The following CFAP58 variants were observed in gnomAD, a reference collection of about 807,000 sequenced individuals.
CFAP58 encodes cilia- and flagella-associated protein 58.
A neutral mutation model predicts 119.5 loss-of-function variants in CFAP58; 88 were observed. The observed-to-expected ratio is 0.74, with a 90% CI of 0.62 to 0.88. The LOEUF is 0.88. CFAP58 is among the 40% of genes least tolerant of loss of function. The pLI, the probability that CFAP58 is intolerant of heterozygous loss-of-function variation, is 0.00. For synonymous variants in CFAP58, 365 were observed against 366.3 expected (o/e 1.00, Z 0.04); for missense variants, 990 against 1,021.2 (o/e 0.97, Z 0.42).
intron 15 of CFAP58, among the ~76,000 whole-genome samples, chr10:104,431,624 T>A (rs1040449767): frequency 3.3e-5 from 5 of 152,200 alleles, no homozygotes; most frequent in Admixed American, 6.5e-5. Flanking sequence ...TCAGATTTTT[T>A]AAAAAATGAA....
chr10:104,358,243 T>A, intron 1 of CFAP58, 98 bp from the exon 2 acceptor site: 2 of 1,267,650 alleles, frequency 1.6e-6, no homozygotes, highest in Non-Finnish European at 1.1e-6. Flanking sequence ...ATTTTGCTCA[T>A]ATGGAGGTGT....
Position 104,368,416 on chromosome 10 carries a change from C to T in CFAP58, c.793-7C>T, listed in dbSNP as rs1191061944. Reference sequence around the variant, plus strand: ...AAGCATTAACCAGCTCATTCCATCCCTTTCAGATATTGAATGAGAGAGCTG... The same window carrying T: ...AAGCATTAACCAGCTCATTCCATCCTTTTCAGATATTGAATGAGAGAGCTG... On this transcript the variant is annotated splice_polypyrimidine_tract_variant and splice_region_variant and intron_variant, in intron 5 of 17. Coordinates refer to ENST00000369704, the MANE Select transcript of CFAP58 (RefSeq NM_001008723.2). The T allele has an allele frequency of 1.2e-6, 2 of 1,613,480 alleles. No homozygotes were observed. The highest frequency in any genetic ancestry group is 1.7e-5 in the Admixed American group (1 of 59,968).
chr10:104,363,565 T>A (rs900969648), intron 3 of CFAP58, among the ~76,000 whole-genome samples: 1 of 152,164 alleles, frequency 6.6e-6, no homozygotes, highest in Non-Finnish European at 1.5e-5. Context: ...GCGAGGGAAC[T>A]GATTCAGATA....
intron 9 of CFAP58, among the ~76,000 whole-genome samples, chr10:104,386,912 CTG>C (rs1189610054): frequency 1.3e-5 from 2 of 152,180 alleles, no homozygotes; most frequent in African/African-American, 4.8e-5. Flanking sequence ...GCATTTTTAG[CTG>C]TGAGTGACTT....
At chr10:104,348,489 T>A in the CFAP58 span, among the ~76,000 whole-genome samples, 4 of 152,202 alleles carry the variant, frequency 2.6e-5, no homozygotes, top group African/African-American at 9.6e-5. Context: ...TATCTCATGA[T>A]CATGTATTTG....
chr10:104,343,542 AT>A, the CFAP58 span, among the ~76,000 whole-genome samples: 13 of 152,220 alleles, frequency 8.5e-5, no homozygotes, highest in Admixed American at 8.5e-4. Flanking sequence ...TTGAAAATAC[AT>A]TTTATTTCAC....
intron 15 of CFAP58, among the ~76,000 whole-genome samples, chr10:104,434,190 A>G (rs1445509749): frequency 2.6e-5 from 4 of 152,252 alleles, no homozygotes; most frequent in Admixed American, 2.6e-4. Flanking sequence ...AGCTTGTAGT[A>G]TGTGCTAAAT....
chr10:104,372,558 G>A (rs2014839003), intron 7 of CFAP58, among the ~76,000 whole-genome samples: 1 of 152,144 alleles, frequency 6.6e-6, no homozygotes, highest in East Asian at 1.9e-4. Flanking sequence ...GTGCATGGAG[G>A]ACCTCCATGG....
In CFAP58 at chr10:104,439,704, TAACAACAAC is replaced by T. The variant is rs60040374; in HGVS notation, c.2257-7974_2257-7966del. Among the ~76,000 whole-genome samples the T allele has an allele frequency of 3.7e-3, 555 of 151,288 alleles. 4 individuals are homozygous for T. The highest frequency in any genetic ancestry group is 0.013 in the African/African-American group (526 of 41,066). ...TGGATAACAGAGTGAGACTCTGTCT[TAACAACAAC>T]AACAACAACAACAACAACATATTTT... On this transcript the variant is annotated intron_variant, in intron 15 of 17. Coordinates refer to ENST00000369704, the MANE Select transcript of CFAP58 (RefSeq NM_001008723.2).
rs115035718 is a variant in CFAP58 at position 104,358,499 on chromosome 10, T to C, written c.168T>C (p.Asn56=). ...CTGTCATGAAAAAGTCTTATGACAA[T>C]GAAAAGCGTCTGATGGCCAAATGCA... The part of the protein sequence containing the change: ...LHAVMKKSYD[N]EKRLMAKCRE... Residue 56 remains asparagine (N), a synonymous_variant, in exon 2 of 18, where the codon AAT becomes AAC. Transcript: ENST00000369704. 1,940 of 1,614,064 alleles carry C rather than the reference T, an allele frequency of 1.2e-3. 30 individuals are homozygous for C. The African/African-American group carries it at 0.022, about 19-fold the overall frequency.
At chr10:104,369,183 T>TC (rs1200454526) in intron 6 of CFAP58, among the ~76,000 whole-genome samples, 2 of 152,146 alleles carry the variant, frequency 1.3e-5, no homozygotes, top group African/African-American at 4.8e-5. Context: ...AAATCCATAT[T>TC]CCCTACTCTG....
At chr10:104,450,269 T>G in intron 17 of CFAP58, 65 bp downstream of exon 17, 1 of 1,555,800 alleles carries the variant, frequency 6.4e-7, no homozygotes, top group East Asian at 2.2e-5. Context: ...AAATATTTGG[T>G]GAACAGTCAC....
At position 104,408,872 on chromosome 10, in the gene CFAP58, G is replaced by C. The variant is rs901983298; in HGVS notation, c.2256+2079G>C. 3.3e-5 allele frequency among the ~76,000 whole-genome samples: 5 copies of C among 152,104 alleles called. No homozygotes were observed. In the South Asian group the frequency reaches 1.0e-3, roughly 32 times the overall value. On this transcript the variant is annotated intron_variant, in intron 15 of 17. Transcript: ENST00000369704. Reference sequence around the variant, plus strand: ...CCAGCGCGTTGGGAGGCCAAGTGGGGGTGGATTGCTTGAGCTCAGGAGTTT... The same window carrying C: ...CCAGCGCGTTGGGAGGCCAAGTGGGCGTGGATTGCTTGAGCTCAGGAGTTT...
At chr10:104,361,708 C>T (rs1054499522) in intron 2 of CFAP58, among the ~76,000 whole-genome samples, 9 of 152,134 alleles carry the variant, frequency 5.9e-5, no homozygotes, top group Non-Finnish European at 1.5e-5. Flanking sequence ...TTTTTTGAGA[C>T]AGGGTCTTGC....
intron 15 of CFAP58, among the ~76,000 whole-genome samples, chr10:104,422,727 C>T (rs2012681465): frequency 6.6e-6 from 1 of 152,212 alleles, no homozygotes; most frequent in Non-Finnish European, 1.5e-5. Context: ...GTCTCCAAGG[C>T]AGCAAGAAAG....
intron 9 of CFAP58, among the ~76,000 whole-genome samples, chr10:104,381,410 G>A (rs1354830385): frequency 2.0e-5 from 3 of 152,180 alleles, no homozygotes; most frequent in Admixed American, 2.0e-4. Flanking sequence ...TAGAGCAGTG[G>A]TCTAGGAATG....
chr10:104,411,759 A>G (rs1589926750), intron 15 of CFAP58, among the ~76,000 whole-genome samples: 1 of 146,742 alleles, frequency 6.8e-6, no homozygotes, highest in South Asian at 2.1e-4. Flanking sequence ...TAGGGAAGCA[A>G]CTTTTTTTTT....
chr10:104,448,682 C>G (rs2013148639), intron 16 of CFAP58, among the ~76,000 whole-genome samples: 1 of 152,126 alleles, frequency 6.6e-6, no homozygotes, highest in Non-Finnish European at 1.5e-5. Flanking sequence ...AAAACTGCAT[C>G]CTTTTATTTT....
Position 104,382,323 on chromosome 10 carries a change from A to G in CFAP58, c.1365+2103A>G, listed in dbSNP as rs529032858. 3.6e-4 allele frequency: 214 copies of G among 592,132 alleles called. 1 individual carries two copies. The highest frequency in any genetic ancestry group is 1.7e-3 in the Middle Eastern group (5 of 3,006). The allele number at this position is 592,132 out of a possible 1,614,324, so 36.7% of individuals were successfully genotyped here. On this transcript the variant is annotated intron_variant, in intron 9 of 17. Coordinates refer to ENST00000369704, the MANE Select transcript of CFAP58 (RefSeq NM_001008723.2). The stretch of plus-strand genomic sequence containing the variant: ...GGTCCTCCTTAGGGAGGGGCCCTGT[A>G]GGGTGAGGCAGCAAATATATTTGAA...
Sources: gnomAD v4.1 joint callset for allele counts (sites outside exome capture counted in the v4.1 genomes callset) on GRCh38, gnomAD v4.1.1 for gene constraint, MANE v1.5 for transcripts, NCBI Gene and HGNC (gene_info 2026-07-23, HGNC 2026-07-21) for gene names.